Variants in PPM1E observed in about 807,000 individuals in gnomAD.
PPM1E encodes protein phosphatase 1E.
Under a neutral mutation model 65.9 loss-of-function variants are expected in PPM1E, and 20 were observed. The observed-to-expected ratio is 0.30, with a 90% CI of 0.21 to 0.44. PPM1E has a LOEUF of 0.44. Ranked by LOEUF, PPM1E falls within the 20% of genes least tolerant of loss-of-function variation. The pLI is 1.00. For synonymous variants in PPM1E, 352 were observed against 374.9 expected (o/e 0.94, Z 0.70); for missense variants, 713 against 953.1 (o/e 0.75, Z 3.32).
intron 6 of PPM1E, among the ~76,000 whole-genome samples, chr17:58,977,158 A>G (rs2031053325): frequency 6.6e-6 from 1 of 152,120 alleles, no homozygotes; most frequent in African/African-American, 2.4e-5. Context: ...GAAATAATGA[A>G]TGAGGGCTGG....
At chr17:58,853,518 T>A (rs1369984655) in intron 1 of PPM1E, among the ~76,000 whole-genome samples, 1 of 152,166 alleles carries the variant, frequency 6.6e-6, no homozygotes, top group Non-Finnish European at 1.5e-5. Flanking sequence ...ACTGTAGCTT[T>A]GTAGTAACTT....
chr17:58,933,822 C>T (rs1474687993), intron 1 of PPM1E, among the ~76,000 whole-genome samples: 1 of 141,012 alleles, frequency 7.1e-6, no homozygotes, highest in African/African-American at 2.7e-5. Flanking sequence ...AAAGGCTGGG[C>T]GCAGTGGCTC....
At chr17:58,760,678 GCTCAAGACTT>G (rs989331384) in intron 1 of PPM1E, among the ~76,000 whole-genome samples, 6 of 152,166 alleles carry the variant, frequency 3.9e-5, no homozygotes, top group African/African-American at 1.4e-4. Context: ...TGCCAAGTCT[GCTCAAGACTT>G]CTGATCCTAT....
chr17:58,783,589 A>T (rs1363557580), intron 1 of PPM1E, among the ~76,000 whole-genome samples: 2 of 152,324 alleles, frequency 1.3e-5, no homozygotes, highest in Non-Finnish European at 1.5e-5. Flanking sequence ...ATTAGACTTA[A>T]TCTAGCCATA....
In PPM1E at chr17:58,816,741, AATATATATATATATATAT is replaced by A. The variant is rs67568496; in HGVS notation, c.464+60317_464+60334del. On this transcript the variant is annotated intron_variant, in intron 1 of 6. Coordinates refer to ENST00000308249, the MANE Select transcript of PPM1E (RefSeq NM_014906.5). Reference sequence around the variant, plus strand: ...ATGTTGTAGCATGTATCAGAATATAAATATATATATATATATATATATATATATATATATATATATATA... The same window carrying A: ...ATGTTGTAGCATGTATCAGAATATAAATATATATATATATATATATATATA... Among the ~76,000 whole-genome samples the A allele has an allele frequency of 7.1e-3, 604 of 85,214 alleles. 15 individuals carry two copies. Among genetic ancestry groups the A allele is most frequent in the South Asian group, 0.02 (36 of 1,804 alleles). The allele number at this position is 85,214 out of a possible 152,430, so 55.9% of individuals were successfully genotyped here.
intron 1 of PPM1E, among the ~76,000 whole-genome samples, chr17:58,834,771 C>A (rs554600333): frequency 6.6e-6 from 1 of 152,028 alleles, no homozygotes; most frequent in Non-Finnish European, 1.5e-5. Flanking sequence ...CCAATACGAC[C>A]GTTTAACTGT....
chr17:58,845,604 G>A (rs180883755), intron 1 of PPM1E, among the ~76,000 whole-genome samples: 3 of 152,178 alleles, frequency 2.0e-5, no homozygotes, highest in Admixed American at 2.0e-4. Flanking sequence ...TTATCTTTTT[G>A]TGACCAATTT....
intron 6 of PPM1E, among the ~76,000 whole-genome samples, chr17:58,976,171 T>C (rs1270141784): frequency 1.3e-5 from 2 of 152,062 alleles, no homozygotes; most frequent in African/African-American, 2.4e-5. Context: ...AGAGGAGAAA[T>C]TGAAGACGAG....
intron 1 of PPM1E, among the ~76,000 whole-genome samples, chr17:58,891,318 TTTATTA>T (rs925755945): frequency 6.6e-6 from 1 of 151,460 alleles, no homozygotes; most frequent in Non-Finnish European, 1.5e-5. Context: ...TGCAAATGGA[TTTATTA>T]TTATTATTAT....
intron 1 of PPM1E, among the ~76,000 whole-genome samples, chr17:58,774,344 AATAG>A (rs2049972078): frequency 6.6e-6 from 1 of 152,164 alleles, no homozygotes; most frequent in African/African-American, 2.4e-5. Context: ...AAAGTGAATA[AATAG>A]ATATTTTCAG....
At chr17:58,932,016 C>G (rs928602201) in intron 1 of PPM1E, among the ~76,000 whole-genome samples, 1 of 152,160 alleles carries the variant, frequency 6.6e-6, no homozygotes, top group African/African-American at 2.4e-5. Flanking sequence ...TAGCTCATGC[C>G]TGTAATTTCA....
chr17:58,931,428 G>A (rs951110429), intron 1 of PPM1E, among the ~76,000 whole-genome samples: 7 of 151,874 alleles, frequency 4.6e-5, no homozygotes, highest in African/African-American at 1.7e-4. Flanking sequence ...GGGAGAGAAG[G>A]AGGGAGGAAG....
At chr17:58,765,927 C>G (rs554023148) in intron 1 of PPM1E, among the ~76,000 whole-genome samples, 1 of 144,580 alleles carries the variant, frequency 6.9e-6, no homozygotes, top group East Asian at 2.0e-4. Context: ...GTTGCCCAGG[C>G]TGGAGTGCAG....
At chr17:58,824,019 C>T (rs372119183) in intron 1 of PPM1E, among the ~76,000 whole-genome samples, 10 of 152,010 alleles carry the variant, frequency 6.6e-5, no homozygotes, top group Admixed American at 6.6e-4. Context: ...TGTGAGGCAC[C>T]GTGCCCGGCC....
chr17:58,845,319 T>G (rs1223509453), intron 1 of PPM1E, among the ~76,000 whole-genome samples: 1 of 151,902 alleles, frequency 6.6e-6, no homozygotes, highest in African/African-American at 2.4e-5. Flanking sequence ...TTTTTCAGTT[T>G]CTTTTATTGT....
At chr17:58,954,617 C>A (rs1373544818) in intron 1 of PPM1E, among the ~76,000 whole-genome samples, 1 of 152,114 alleles carries the variant, frequency 6.6e-6, no homozygotes, top group Non-Finnish European at 1.5e-5. Flanking sequence ...GTGGCTCACA[C>A]CTGTAATCCC....
Position 58,981,028 on chromosome 17 carries a change from A to C in PPM1E, c.2265A>C (p.Glu755Asp), listed in dbSNP as rs775146078. ...ATCTTCCTTGGAGCTATAAAATAGAATAATTTTTCTTTCAAGTAGGTTAGC... is the reference window on the plus strand; with the variant it reads ...ATCTTCCTTGGAGCTATAAAATAGACTAATTTTTCTTTCAAGTAGGTTAGC... ...CPDLPWSYKI[E>D] Residue 755 changes from glutamate to aspartate, a missense_variant, in exon 7 of 7, where the codon GAA becomes GAC. Physicochemically the swap from Glu to Asp is conservative, Grantham distance 45 (BLOSUM62 2). Around this residue, in one of 6 missense-constraint regions of PPM1E, gnomAD observed 286 missense variants for 313.8 expected, o/e 0.91. Coordinates refer to ENST00000308249, the MANE Select transcript of PPM1E (RefSeq NM_014906.5). 2 of 1,579,566 alleles carry C rather than the reference A, an allele frequency of 1.3e-6. No individual in the cohort carries two copies. Among genetic ancestry groups the C allele is most frequent in the South Asian group, 1.2e-5 (1 of 85,072 alleles).
At chr17:58,830,369 G>A (rs1020022539) in intron 1 of PPM1E, among the ~76,000 whole-genome samples, 2 of 151,450 alleles carry the variant, frequency 1.3e-5, no homozygotes, top group African/African-American at 2.4e-5. Flanking sequence ...GCGCAGTGGC[G>A]CAGTCTCGGC....
chr17:58,771,135 G>A (rs965636179), intron 1 of PPM1E, among the ~76,000 whole-genome samples: 3 of 151,602 alleles, frequency 2.0e-5, no homozygotes, highest in Non-Finnish European at 2.9e-5. Context: ...GATTACAGGC[G>A]TGAGCCACCA....
Sources: allele counts gnomAD v4.1 joint callset (sites outside exome capture counted in the v4.1 genomes callset), GRCh38; gene constraint gnomAD v4.1.1; regional missense constraint gnomAD v4.1.1; transcripts MANE v1.5; gene names NCBI Gene and HGNC (gene_info 2026-07-23, HGNC 2026-07-21).